The following DOCK1 variants were observed in gnomAD, a reference collection of about 807,000 sequenced individuals.
DOCK1 encodes dedicator of cytokinesis protein 1.
A neutral mutation model predicts 262.7 loss-of-function variants in DOCK1; 138 were observed. The ratio of observed to expected loss-of-function variants is 0.53; its 90% CI spans 0.46 to 0.61. The LOEUF (loss-of-function observed/expected upper bound fraction) is 0.61. DOCK1 is among the 20% of genes least tolerant of loss of function. DOCK1 has a pLI of 0.00. For synonymous variants in DOCK1, 866 were observed against 867.4 expected, an observed-to-expected ratio of 1.00 and a Z score of 0.03; for missense variants, 1,908 against 2,370.7, an observed-to-expected ratio of 0.80 and a Z score of 4.05.
chr10:127,302,514 A>G (rs1017199572), intron 29 of DOCK1, among the ~76,000 whole-genome samples: 2 of 152,120 alleles, frequency 1.3e-5, no homozygotes, highest in Admixed American at 6.5e-5. Flanking sequence ...GACAGCAAAC[A>G]TATTTTCCCC....
At position 127,419,739 on chromosome 10, in the gene DOCK1, T is replaced by C. The variant is rs1231536960; in HGVS notation, c.4766T>C (p.Ile1589Thr). Residue 1589 changes from isoleucine (I) to threonine (T), a missense_variant, in exon 46 of 52, where the codon ATT (isoleucine) becomes ACT (threonine). Transcript: ENST00000623213. ...AAGATCGAGAAGCTCAAGGACCTGA[T>C]TGCTTGGCAGGTAAAGTGTCCAGCA... ...HEKIEKLKDL[I>T]AWQIPFLAEG... 1.9e-6 allele frequency: 3 copies of C among 1,597,176 alleles called. No individual in the cohort carries two copies. In the African/African-American group the frequency reaches 4.0e-5, roughly 21 times the overall value.
intron 23 of DOCK1, among the ~76,000 whole-genome samples, chr10:127,099,255 T>C (rs1255467683): frequency 2.0e-5 from 3 of 152,214 alleles, no homozygotes; most frequent in African/African-American, 7.2e-5. Context: ...GACTTCCCAA[T>C]GTCCTCTGTG....
chr10:127,237,186 C>G (rs1388568997), intron 27 of DOCK1, among the ~76,000 whole-genome samples: 1 of 151,934 alleles, frequency 6.6e-6, no homozygotes, highest in Non-Finnish European at 1.5e-5. Context: ...TGGGGAAACC[C>G]TGTCTCTACT....
rs532407580 is a variant in DOCK1 at position 127,058,652 on chromosome 10, T to C, written c.2337-3016T>C. On this transcript the variant is annotated intron_variant, in intron 22 of 51. Coordinates refer to ENST00000623213, the MANE Select transcript of DOCK1 (RefSeq NM_001290223.2). Reference sequence around the variant, plus strand: ...CATCTCATTTTCTGATTTTTAAACATATTATTTGAATATTCTTTTACTATT... The same window carrying C: ...CATCTCATTTTCTGATTTTTAAACACATTATTTGAATATTCTTTTACTATT... 7.3e-4 allele frequency among the ~76,000 whole-genome samples: 111 copies of C among 152,194 alleles called. 1 individual carries two copies. The highest frequency in any genetic ancestry group is 2.6e-3 in the African/African-American group (107 of 41,556).
chr10:127,235,881 C>A (rs1455208467), intron 27 of DOCK1, among the ~76,000 whole-genome samples: 3 of 151,900 alleles, frequency 2.0e-5, no homozygotes, highest in Admixed American at 1.3e-4. Flanking sequence ...GTAAGATAGA[C>A]CATGCTTTCA....
chr10:127,221,933 G>T (rs1590003771), intron 27 of DOCK1, among the ~76,000 whole-genome samples: 1 of 152,322 alleles, frequency 6.6e-6, no homozygotes, highest in East Asian at 1.9e-4. Context: ...TGATGCTCAA[G>T]ATTTTCTGTT....
At chr10:127,036,223 AC>A (rs1273039404) in intron 18 of DOCK1, among the ~76,000 whole-genome samples, 3 of 152,024 alleles carry the variant, frequency 2.0e-5, no homozygotes, top group Non-Finnish European at 4.4e-5. Flanking sequence ...AGGTGAAGTT[AC>A]CTCCCCAGGC....
chr10:127,417,645 G>T (rs560573461), intron 44 of DOCK1, among the ~76,000 whole-genome samples: 1 of 152,104 alleles, frequency 6.6e-6, no homozygotes, highest in Non-Finnish European at 1.5e-5. Context: ...GCTCAATCTC[G>T]GCTCACTGCA....
chr10:127,129,009 G>A (rs543939157), intron 27 of DOCK1, among the ~76,000 whole-genome samples: 6 of 152,250 alleles, frequency 3.9e-5, no homozygotes, highest in African/African-American at 7.2e-5. Context: ...TTCCTGGTGC[G>A]TGACCGTTGT....
At chr10:127,233,646 A>T (rs993517414) in intron 27 of DOCK1, among the ~76,000 whole-genome samples, 13 of 152,332 alleles carry the variant, frequency 8.5e-5, no homozygotes, top group Middle Eastern at 3.4e-3. Context: ...CTCCCAATAG[A>T]ATGTGAGTTA....
chr10:127,020,415 G>C (rs1231385403), intron 13 of DOCK1, among the ~76,000 whole-genome samples: 2 of 152,000 alleles, frequency 1.3e-5, no homozygotes, highest in African/African-American at 4.8e-5. Context: ...TCTAGGCCCG[G>C]CGTGGTGGTG....
rs935059602 is a variant in DOCK1 at position 127,417,818 on chromosome 10, C to T, written c.4516-547C>T. Among the ~76,000 whole-genome samples, 37 of 152,064 alleles carry T rather than the reference C, an allele frequency of 2.4e-4. 1 individual carries two copies. The highest frequency in any genetic ancestry group is 2.2e-3 in the Admixed American group (33 of 15,262). On this transcript the variant is annotated intron_variant, in intron 44 of 51. Coordinates refer to ENST00000623213, the MANE Select transcript of DOCK1 (RefSeq NM_001290223.2). ...CTTGAACTCCTGACCTCAGGTGACC[C>T]GCCCACCTCAGCCTCCCAAAGTGCT...
chr10:127,071,749 C>T (rs539263047), intron 23 of DOCK1, among the ~76,000 whole-genome samples: 11 of 152,254 alleles, frequency 7.2e-5, no homozygotes, highest in African/African-American at 9.6e-5. Flanking sequence ...TGAATACTAC[C>T]GTGTTGCTTT....
chr10:127,321,394 A>G (rs1485515308), intron 29 of DOCK1, among the ~76,000 whole-genome samples: 1 of 143,908 alleles, frequency 6.9e-6, no homozygotes, highest in Non-Finnish European at 1.5e-5. Flanking sequence ...CGGAAGAAAT[A>G]CTGGCATTCT....
At chr10:127,169,880 A>G (rs1335615432) in intron 27 of DOCK1, among the ~76,000 whole-genome samples, 2 of 152,126 alleles carry the variant, frequency 1.3e-5, no homozygotes, top group African/African-American at 2.4e-5. Context: ...GGTACAGGAT[A>G]CCACACTTCG....
intron 6 of DOCK1, among the ~76,000 whole-genome samples, chr10:126,994,078 CA>C (rs1159838476): frequency 1.3e-5 from 2 of 152,132 alleles, no homozygotes; most frequent in African/African-American, 4.8e-5. Context: ...TTGTTAATTA[CA>C]GGAATATAAT....
intron 39 of DOCK1, 50 bp from the exon 40 acceptor site, chr10:127,404,275 C>A: frequency 8.0e-6 from 12 of 1,508,044 alleles, no homozygotes; most frequent in Middle Eastern, 1.7e-4. Flanking sequence ...TCCAGAGGCA[C>A]ACATGCTTGA....
chr10:127,096,435 C>A (rs1199288635), intron 23 of DOCK1, among the ~76,000 whole-genome samples: 3 of 152,096 alleles, frequency 2.0e-5, no homozygotes, highest in African/African-American at 7.2e-5. Context: ...ATTTGTGGAC[C>A]ATATATATTT....
At chr10:127,173,718 G>A (rs560453235) in intron 27 of DOCK1, among the ~76,000 whole-genome samples, 2 of 152,108 alleles carry the variant, frequency 1.3e-5, no homozygotes, top group African/African-American at 4.8e-5. Context: ...GTGGACTACT[G>A]ATCAGTAAAT....
Sources: gnomAD v4.1 joint callset for allele counts (sites outside exome capture counted in the v4.1 genomes callset) on GRCh38, gnomAD v4.1.1 for gene constraint, MANE v1.5 for transcripts, NCBI Gene and HGNC (gene_info 2026-07-23, HGNC 2026-07-21) for gene names.